Variants in PCCA observed in about 807,000 individuals in gnomAD.
PCCA encodes the protein propionyl-CoA carboxylase alpha chain, mitochondrial.
Under a neutral mutation model 101.3 loss-of-function variants are expected in PCCA, and 74 were observed. The observed-to-expected ratio is 0.73, with a 90% confidence interval of 0.61 to 0.89. PCCA has a LOEUF of 0.89. Among genes scored for constraint, PCCA ranks in the 40% least tolerant of loss-of-function variants. The probability of loss-of-function intolerance (pLI) is 0.00; values close to 1 mark genes in which losing one functional copy is unlikely to be tolerated. For missense variants in PCCA, 891 were observed against 907.0 expected, an observed-to-expected ratio of 0.98 and a Z score of 0.23; for synonymous variants, 294 against 313.6, an observed-to-expected ratio of 0.94 and a Z score of 0.66.
chr13:100,288,782 TC>T (rs2064897467), intron 12 of PCCA, among the ~76,000 whole-genome samples: 1 of 152,218 alleles, frequency 6.6e-6, no homozygotes, highest in Non-Finnish European at 1.5e-5. Context: ...TTCTTTCCTT[TC>T]CTTTTTCCCT....
Position 100,348,727 on chromosome 13 carries a change from C to CCTTTTTTT in PCCA, c.1643+8472_1643+8473insTTTTCTTT, listed in dbSNP as rs1566975430. On this transcript the variant is annotated intron_variant, in intron 18 of 23. Transcript: ENST00000376285. The stretch of plus-strand genomic sequence containing the variant: ...TCAGCTTTTACTTTCCGTTTTTTTT[C>CCTTTTTTT]CTTTCTTTCTTTCTTTCTTTCTTTC... Among the ~76,000 whole-genome samples, 53 of 99,614 alleles carry CCTTTTTTT rather than the reference C, an allele frequency of 5.3e-4. 2 individuals carry two copies. The highest frequency in any genetic ancestry group is 7.2e-4 in the Admixed American group (7 of 9,770). 65.4% of individuals were successfully genotyped at this position (99,614 alleles called of 152,430 possible).
chr13:100,432,079 G>A (rs1196275060), intron 20 of PCCA, among the ~76,000 whole-genome samples: 1 of 151,568 alleles, frequency 6.6e-6, no homozygotes, highest in Non-Finnish European at 1.5e-5. Flanking sequence ...CACACCTGCA[G>A]TCCCAGCTGC....
At chr13:100,352,602 C>T (rs747595326) in intron 18 of PCCA, among the ~76,000 whole-genome samples, 14 of 152,008 alleles carry the variant, frequency 9.2e-5, no homozygotes, top group Non-Finnish European at 1.6e-4. Context: ...CTATGTTACC[C>T]AGGCAAGTCT....
In PCCA at chr13:100,111,824, G is replaced by GT. The variant is rs60618091; in HGVS notation, c.184-11dup. ...AAAAGTAACAATTTCTAATGAATGTGTTTTTTCTCTCTTCAGACTTTTGAT... is the reference window on the plus strand; with the variant it reads ...AAAAGTAACAATTTCTAATGAATGTGTTTTTTTCTCTCTTCAGACTTTTGAT... On this transcript the variant is annotated splice_polypyrimidine_tract_variant and intron_variant, in intron 2 of 23. Coordinates refer to ENST00000376285, the MANE Select transcript of PCCA (RefSeq NM_000282.4). 7.1e-6 allele frequency: 11 copies of GT among 1,551,784 alleles called. No homozygotes were observed. The highest frequency in any genetic ancestry group is 9.7e-6 in the Non-Finnish European group (11 of 1,129,122).
intron 4 of PCCA, among the ~76,000 whole-genome samples, chr13:100,151,552 A>T (rs1269467914): frequency 1.3e-5 from 2 of 152,092 alleles, no homozygotes; most frequent in East Asian, 3.9e-4. Flanking sequence ...AGATCGCGCC[A>T]TTGCACTCCA....
intron 4 of PCCA, among the ~76,000 whole-genome samples, chr13:100,148,558 C>G (rs1378378688): frequency 6.6e-6 from 1 of 152,072 alleles, no homozygotes; most frequent in African/African-American, 2.4e-5. Flanking sequence ...GTCATTCCTC[C>G]CCTTCTCCCT....
chr13:100,303,615 G>A (rs1024931489), intron 14 of PCCA, among the ~76,000 whole-genome samples: 1 of 147,544 alleles, frequency 6.8e-6, no homozygotes. Flanking sequence ...GGTAATAAGT[G>A]CATATATATA....
chr13:100,147,681 A>G lies in PCCA; in HGVS notation c.301-7298A>G, dbSNP rs146019540. Among the ~76,000 whole-genome samples the G allele has an allele frequency of 4.8e-3, 734 of 152,294 alleles. 3 individuals are homozygous for G. Among genetic ancestry groups the G allele is most frequent in the Non-Finnish European group, 7.9e-3 (535 of 68,032 alleles). On this transcript the variant is annotated intron_variant, in intron 4 of 23. Coordinates refer to ENST00000376285, the MANE Select transcript of PCCA (RefSeq NM_000282.4). ...TCTTTAGTAAGTGGAAATTAATCTT[A>G]AAGATTGCAAGCTAGAGCTGAGCCC...
chr13:100,330,844 A>T (rs1053124533), intron 17 of PCCA, among the ~76,000 whole-genome samples, 173 bp downstream of exon 17: 1 of 152,220 alleles, frequency 6.6e-6, no homozygotes, highest in Admixed American at 6.5e-5. Context: ...TGGATGACTC[A>T]TGAGTGTGAT....
At chr13:100,422,071 T>C (rs112544936) in intron 19 of PCCA, among the ~76,000 whole-genome samples, 1 of 2,948 alleles carries the variant, frequency 3.4e-4, no homozygotes, top group African/African-American at 4.5e-4. Context: ...TCTCTTTTCT[T>C]TTCTTTCTTT....
chr13:100,444,458 T>G (rs1200874459), intron 20 of PCCA, among the ~76,000 whole-genome samples: 1 of 117,956 alleles, frequency 8.5e-6, no homozygotes, highest in Non-Finnish European at 1.6e-5. Flanking sequence ...TTTTTTTTTT[T>G]TTGAGACGGA....
intron 19 of PCCA, among the ~76,000 whole-genome samples, chr13:100,386,638 C>A (rs2076523158): frequency 6.6e-6 from 1 of 152,226 alleles, no homozygotes; most frequent in East Asian, 1.9e-4. Flanking sequence ...GCCTCGGCTT[C>A]CCAAGGTGCT....
At chr13:100,257,078 C>A (rs1262988773) in intron 8 of PCCA, among the ~76,000 whole-genome samples, 1 of 152,122 alleles carries the variant, frequency 6.6e-6, no homozygotes, top group East Asian at 1.9e-4. Flanking sequence ...AGCATCGTAG[C>A]CAGGTTTGGA....
chr13:100,505,843 T>A (rs1166891494), intron 21 of PCCA, among the ~76,000 whole-genome samples: 1 of 68 alleles, frequency 0.015, no homozygotes, highest in South Asian at 0.5. Flanking sequence ...TGGTACCCTG[T>A]TTCTCTGCCC....
rs1314579674 is a variant in PCCA at position 100,348,736 on chromosome 13, CTT to C, written c.1643+8479_1643+8480del. On this transcript the variant is annotated intron_variant, in intron 18 of 23. Transcript: ENST00000376285. ...ACTTTCCGTTTTTTTTCCTTTCTTTCTTTCTTTCTTTCTTTCTTTCTTTCTTT... is the reference window on the plus strand; with the variant it reads ...ACTTTCCGTTTTTTTTCCTTTCTTTCTCTTTCTTTCTTTCTTTCTTTCTTT... Among the ~76,000 whole-genome samples the C allele has an allele frequency of 6.5e-5, 5 of 76,636 alleles. 1 individual carries two copies. The highest frequency in any genetic ancestry group is 2.9e-4 in the African/African-American group (5 of 17,260). 50.3% of individuals were successfully genotyped at this position (76,636 alleles called of 152,430 possible).
intron 18 of PCCA, among the ~76,000 whole-genome samples, chr13:100,350,312 A>G (rs745593267): frequency 1.0e-4 from 15 of 150,684 alleles, no homozygotes; most frequent in Admixed American, 3.3e-4. Context: ...CACTGTGACA[A>G]TGAAGGTGAC....
intron 18 of PCCA, among the ~76,000 whole-genome samples, chr13:100,358,747 T>G (rs893991547): frequency 2.0e-5 from 3 of 152,206 alleles, no homozygotes; most frequent in African/African-American, 7.2e-5. Flanking sequence ...GTTTATTACC[T>G]TGATTGTGGT....
chr13:100,458,361 T>TACAC (rs58649291), intron 21 of PCCA, among the ~76,000 whole-genome samples: 5,597 of 101,304 alleles, frequency 0.055, 331 homozygotes, highest in Middle Eastern at 0.075. Context: ...ACCCCATCTC[T>TACAC]ACACACACAC....
intron 21 of PCCA, among the ~76,000 whole-genome samples, chr13:100,471,332 G>A (rs917707565): frequency 2.0e-5 from 3 of 152,164 alleles, no homozygotes; most frequent in Admixed American, 6.5e-5. Flanking sequence ...AGCGATGACA[G>A]ATCACCACAA....
Sources: gnomAD v4.1 joint callset for allele counts (sites outside exome capture counted in the v4.1 genomes callset) on GRCh38, gnomAD v4.1.1 for gene constraint, MANE v1.5 for transcripts, NCBI Gene and HGNC (gene_info 2026-07-23, HGNC 2026-07-21) for gene names.